The following HSD17B2 variants were observed in gnomAD, a reference collection of about 807,000 sequenced individuals.
HSD17B2 encodes hydroxysteroid 17-beta dehydrogenase 2.
A neutral mutation model predicts 26.9 loss-of-function variants in HSD17B2; 32 were observed. The observed-to-expected ratio is 1.19, with a 90% CI of 0.90 to 1.60. HSD17B2 has a LOEUF of 1.60. Ranked by LOEUF, HSD17B2 falls within the 40% of genes most tolerant of loss-of-function variation. The probability of loss-of-function intolerance (pLI) is 0.00; values close to 1 mark genes in which losing one functional copy is unlikely to be tolerated. For synonymous variants in HSD17B2, 246 were observed against 186.7 expected (o/e 1.32, Z -2.59); for missense variants, 613 against 468.6 (o/e 1.31, Z -2.85).
At position 82,098,438 on chromosome 16, in the gene HSD17B2, C is replaced by A. The variant is rs773731594; in HGVS notation, c.*2C>A. The A allele has an allele frequency of 6.3e-7, 1 of 1,586,310 alleles. No homozygotes were observed. Among genetic ancestry groups the A allele is most frequent in the Non-Finnish European group, 8.6e-7 (1 of 1,167,380 alleles). On this transcript the variant is annotated 3_prime_UTR_variant, in exon 5 of 5. Coordinates refer to ENST00000199936, the MANE Select transcript of HSD17B2 (RefSeq NM_002153.3). ...AACTACAAGAAAAAGGCCACCTAGGCAATGGAAGCCCTCAAAGAAGTCGGA... is the reference window on the plus strand; with the variant it reads ...AACTACAAGAAAAAGGCCACCTAGGAAATGGAAGCCCTCAAAGAAGTCGGA...
rs1055828550 is a variant in HSD17B2, at chr16:82,078,575, G to T, written c.664+7448G>T. ...AAGAGATATCTGCAGTCCTATGTGT[G>T]TTGCAGCACTGTTCACTATAGCCAA... is the stretch of plus-strand genomic sequence containing the variant. On this transcript the variant is annotated intron_variant, in intron 3 of 4. Transcript: ENST00000199936. Among the ~76,000 whole-genome samples, 11 of 152,190 alleles carry T rather than the reference G, an allele frequency of 7.2e-5. No homozygotes were observed. In the East Asian group the frequency reaches 1.9e-3, roughly 27 times the overall value.
At chr16:82,039,212 T>G (rs553555480) in intron 1 of HSD17B2, among the ~76,000 whole-genome samples, 26 of 151,780 alleles carry the variant, frequency 1.7e-4, no homozygotes, top group Non-Finnish European at 3.1e-4. Flanking sequence ...TTTTGGATTT[T>G]GGGACTCTGT....
intron 3 of HSD17B2, among the ~76,000 whole-genome samples, chr16:82,083,942 A>G (rs1904449242): frequency 6.6e-6 from 1 of 152,224 alleles, no homozygotes; most frequent in Admixed American, 6.5e-5. Context: ...CTGATGGTAC[A>G]AAGAGCAGTT....
At chr16:82,079,961 G>T (rs1011477582) in intron 3 of HSD17B2, among the ~76,000 whole-genome samples, 1 of 152,154 alleles carries the variant, frequency 6.6e-6, no homozygotes, top group South Asian at 2.1e-4. Flanking sequence ...GAAGCAGTCA[G>T]TCACTAATAA....
chr16:82,055,080 T>A (rs1042227498), intron 1 of HSD17B2, among the ~76,000 whole-genome samples: 12 of 152,212 alleles, frequency 7.9e-5, no homozygotes, highest in African/African-American at 2.9e-4. Context: ...CAAAAATGTC[T>A]CCAGACATTG....
intron 1 of HSD17B2, among the ~76,000 whole-genome samples, chr16:82,036,817 A>G (rs1040763102): frequency 6.6e-6 from 1 of 152,176 alleles, no homozygotes; most frequent in Non-Finnish European, 1.5e-5. Flanking sequence ...GGAATCATGT[A>G]TCTGGGAGTC....
chr16:82,089,850 G>C (rs906219281), intron 3 of HSD17B2, among the ~76,000 whole-genome samples: 15 of 152,118 alleles, frequency 9.9e-5, no homozygotes. Context: ...CCTAATCCAG[G>C]ATGGCCTTTC....
chr16:82,038,850 G>A (rs997223736), intron 1 of HSD17B2, among the ~76,000 whole-genome samples: 2 of 152,176 alleles, frequency 1.3e-5, no homozygotes, highest in Non-Finnish European at 2.9e-5. Flanking sequence ...CTGGGCGGAC[G>A]TGGGGTGGTG....
chr16:82,075,908 T>TAAAAAAAAAAAAAAAAAAAAAA (rs58081050), intron 3 of HSD17B2, among the ~76,000 whole-genome samples: 1 of 134,708 alleles, frequency 7.4e-6, no homozygotes, highest in African/African-American at 2.8e-5. Context: ...AAATACATGT[T>TAAAAAAAAAAAAAAAAAAAAAA]AAAAAAAAAA....
intron 1 of HSD17B2, among the ~76,000 whole-genome samples, chr16:82,039,738 C>A (rs375324238): frequency 1.6e-4 from 25 of 152,294 alleles, no homozygotes; most frequent in East Asian, 9.7e-4. Flanking sequence ...TCTGGCCTTT[C>A]ATCCTGCCCC....
intron 2 of HSD17B2, 100 bp downstream of exon 2, chr16:82,068,482 C>T (rs1914625468): frequency 1.0e-6 from 1 of 966,918 alleles, no homozygotes; most frequent in Admixed American, 2.2e-5. Context: ...ACTCTGGGCA[C>T]TGTTTGCCCT....
chr16:82,086,303 G>C (rs2142363285), intron 3 of HSD17B2, among the ~76,000 whole-genome samples: 1 of 152,340 alleles, frequency 6.6e-6, no homozygotes, highest in African/African-American at 2.4e-5. Context: ...GCTTTACAAA[G>C]AGTGAAGTAC....
chr16:82,093,297 T>A (rs1019988103), intron 4 of HSD17B2: 2 of 152,182 alleles, frequency 1.3e-5, no homozygotes, highest in African/African-American at 4.8e-5. Context: ...CTTTGTAGAG[T>A]CACATCCAGC....
rs1329721174 is a variant in HSD17B2 at position 82,035,695 on chromosome 16, C to G, written c.265+6C>G. The G allele has an allele frequency of 2.5e-6, 4 of 1,611,972 alleles. No homozygotes were observed. Among genetic ancestry groups the G allele is most frequent in the Non-Finnish European group, 3.4e-6 (4 of 1,178,816 alleles). On this transcript the variant is annotated splice_donor_region_variant and intron_variant, in intron 1 of 4. Transcript: ENST00000199936. ...GAAGGCAGTCCTGGTGACAGGTAAGCAGACGGTGCTACAATTTTCACTGAG... is the reference window on the plus strand; with the variant it reads ...GAAGGCAGTCCTGGTGACAGGTAAGGAGACGGTGCTACAATTTTCACTGAG...
At chr16:82,073,433 C>T (rs559353610) in intron 3 of HSD17B2, among the ~76,000 whole-genome samples, 98 of 152,118 alleles carry the variant, frequency 6.4e-4, no homozygotes, top group Non-Finnish European at 1.2e-3. Context: ...ACCGTGTTAG[C>T]CAGGAAGATC....
In HSD17B2 at chr16:82,068,256, G is replaced by T. The variant is rs1356080336; in HGVS notation, c.352G>T (p.Gly118Cys). ...TVFAGVLNEN[G>C]PGAEELRRTC... ...ATTTGCCGGAGTTTTGAATGAAAAT[G>T]GCCCAGGAGCTGAGGAATTGCGAAG... The change falls in exon 2 of 5, where the codon GGC (glycine) becomes TGC (cysteine). Residue 118 changes from glycine to cysteine, a missense_variant. Gly to Cys is a radical substitution (Grantham distance 159, BLOSUM62 -3). Transcript: ENST00000199936. 5 of 1,614,082 alleles carry T rather than the reference G, an allele frequency of 3.1e-6. No homozygotes were observed. In the Middle Eastern group the frequency reaches 5.0e-4, roughly 160 times the overall value.
intron 1 of HSD17B2, among the ~76,000 whole-genome samples, chr16:82,064,763 A>G (rs1369009308): frequency 6.6e-6 from 1 of 152,190 alleles, no homozygotes; most frequent in Non-Finnish European, 1.5e-5. Flanking sequence ...ATGAGCCAAG[A>G]AGATGCTCGT....
chr16:82,083,388 A>T (rs1904433747), intron 3 of HSD17B2, among the ~76,000 whole-genome samples: 1 of 152,144 alleles, frequency 6.6e-6, no homozygotes, highest in Admixed American at 6.5e-5. Context: ...GAATGAAGAC[A>T]GACTGCCCGG....
chr16:82,076,512 T>G (rs564768450), intron 3 of HSD17B2, among the ~76,000 whole-genome samples: 1 of 152,366 alleles, frequency 6.6e-6, no homozygotes, highest in East Asian at 1.9e-4. Context: ...CAAAAACAAT[T>G]AAAACTGATA....
Sources: gnomAD v4.1 joint callset for allele counts (sites outside exome capture counted in the v4.1 genomes callset) on GRCh38, gnomAD v4.1.1 for gene constraint, MANE v1.5 for transcripts, NCBI Gene and HGNC (gene_info 2026-07-23, HGNC 2026-07-21) for gene names.